The following HMCN2 variants were observed in gnomAD, a reference collection of about 807,000 sequenced individuals.
HMCN2 encodes hemicentin-2.
In HMCN2, 325 loss-of-function variants were observed where a neutral mutation model predicts 377.5. That is an observed-to-expected ratio of 0.86 (90% confidence interval 0.79 to 0.94). HMCN2 has a LOEUF of 0.94. HMCN2 is among the 40% of genes least tolerant of loss of function. The probability of loss-of-function intolerance (pLI) is 0.00; values close to 1 mark genes in which losing one functional copy is unlikely to be tolerated. For synonymous variants in HMCN2, 2,007 were observed against 2,046.8 expected (o/e 0.98, Z 0.53); for missense variants, 4,543 against 4,725.3 (o/e 0.96, Z 1.13).
chr9:130,363,464 C>T (rs1041603542), intron 40 of HMCN2, among the ~76,000 whole-genome samples: 8 of 152,216 alleles, frequency 5.3e-5, no homozygotes, highest in South Asian at 4.2e-4. Flanking sequence ...GCTACTGTAA[C>T]CACAGTAGCT....
At position 130,351,397 on chromosome 9, in the gene HMCN2, C is replaced by G; in HGVS notation, c.4431-26C>G. On this transcript the variant is annotated intron_variant, in intron 29 of 97. Transcript: ENST00000683500. This position sits in a 1 kb window ranked among gnomAD's most constrained non-coding sequence, Gnocchi z 5.4. ...CCATCCAGCCCCTCGGCCTTACTGG[C>G]GCTTTTCCCTTGCCCGTCTCTCCAG... 1.5e-6 allele frequency: 2 copies of G among 1,291,762 alleles called. No homozygotes were observed. Among genetic ancestry groups the G allele is most frequent in the Middle Eastern group, 4.3e-4 (2 of 4,658 alleles). 80.0% of individuals were successfully genotyped at this position (1,291,762 alleles called of 1,614,324 possible).
In HMCN2 at chr9:130,424,754, C is replaced by T. The variant is rs951811436; in HGVS notation, c.13382-22C>T. On this transcript the variant is annotated intron_variant, in intron 87 of 97. Coordinates refer to ENST00000683500, the MANE Select transcript of HMCN2 (RefSeq NM_001291815.2). ...CCCTGAGGATCAGCTCTAACCCGGC[C>T]TCTATGCCCTGCCCCACCCAGGGCC... The T allele has an allele frequency of 2.6e-6, 4 of 1,519,734 alleles. No individual in the cohort carries two copies. The African/African-American group carries it at 5.6e-5, about 21-fold the overall frequency. The allele number at this position is 1,519,734 out of a possible 1,614,324, so 94.1% of individuals were successfully genotyped here.
chr9:130,281,133 C>T (rs1387494042), intron 1 of HMCN2, among the ~76,000 whole-genome samples: 1 of 151,778 alleles, frequency 6.6e-6, no homozygotes, highest in African/African-American at 2.4e-5. Flanking sequence ...AGTTGTGCCC[C>T]TTCCCTTTTT....
chr9:130,265,974 C>A lies in HMCN2; in HGVS notation c.96C>A (p.Pro32=), dbSNP rs1405118236. 1 of 467,838 alleles carries A rather than the reference C, an allele frequency of 2.1e-6. No individual in the cohort carries two copies. Among genetic ancestry groups the A allele is most frequent in the South Asian group, 1.6e-5 (1 of 64,378 alleles). The allele number at this position is 467,838 out of a possible 1,614,324, so 29.0% of individuals were successfully genotyped here. A position where few individuals can be genotyped will look rare whatever the true frequency, so the allele number is the denominator to read the frequency against. ...VAGAPGTVMP[P]TTGDATLAFV... ...GGGCGCCCGGGACGGTAATGCCCCC[C>A]ACCACGGGGGACGCCACCCTGGCCT... Residue 32 remains proline (P), a synonymous_variant, in exon 1 of 98, where the codon CCC becomes CCA. Coordinates refer to ENST00000683500, the MANE Select transcript of HMCN2 (RefSeq NM_001291815.2).
chr9:130,398,646 C>T lies in HMCN2; in HGVS notation c.11422C>T (p.Leu3808=), dbSNP rs1355042118. 7.0e-6 allele frequency: 9 copies of T among 1,289,622 alleles called. No individual in the cohort carries two copies. The highest frequency in any genetic ancestry group is 7.1e-6 in the Non-Finnish European group (7 of 988,664). 79.9% of individuals were successfully genotyped at this position (1,289,622 alleles called of 1,614,324 possible). The part of the protein sequence containing the change: ...PCEASGSPKP[L]VVWWKDGQKL... ...CGAGGCCAGCGGCTCCCCTAAGCCC[C>T]TGGTGGTCTGGTGGAAGGACGGACA... Residue 3808 remains leucine, a synonymous_variant, in exon 75 of 98, where the codon CTG becomes TTG. Coordinates refer to ENST00000683500, the MANE Select transcript of HMCN2 (RefSeq NM_001291815.2).
chr9:130,358,549 T>C (rs1373932850), intron 36 of HMCN2, 63 bp downstream of exon 36: 2 of 1,297,984 alleles, frequency 1.5e-6, no homozygotes, highest in Admixed American at 4.6e-5. Context: ...TGGGGACCCT[T>C]GGGGCTGAAG....
At chr9:130,340,605 C>T (rs1237947203) in intron 23 of HMCN2, among the ~76,000 whole-genome samples, 12 of 151,720 alleles carry the variant, frequency 7.9e-5, no homozygotes, top group Admixed American at 2.0e-4. Flanking sequence ...CTGTAACCTC[C>T]GCCTCCCGGG....
At chr9:130,387,754 C>T (rs944505328) in intron 61 of HMCN2, among the ~76,000 whole-genome samples, 1 of 152,112 alleles carries the variant, frequency 6.6e-6, no homozygotes, top group African/African-American at 2.4e-5. Flanking sequence ...ACATGCAACC[C>T]TGAGCCATAC....
chr9:130,318,605 G>A (rs1355165608), intron 15 of HMCN2, among the ~76,000 whole-genome samples: 1 of 152,214 alleles, frequency 6.6e-6, no homozygotes, highest in Non-Finnish European at 1.5e-5. Flanking sequence ...TTACCTTAGG[G>A]AAGGGCGTGG....
intron 4 of HMCN2, among the ~76,000 whole-genome samples, chr9:130,293,279 G>GTTTTTTTGTTTTTTTTTTTTTTTT (rs1835902682): frequency 1.8e-5 from 1 of 57,126 alleles, no homozygotes; most frequent in African/African-American, 1.1e-4. Context: ...ACTCACTAAA[G>GTTTTTTTGTTTTTTTTTTTTTTTT]TTTTTTTTTT....
intron 96 of HMCN2, among the ~76,000 whole-genome samples, chr9:130,431,902 C>A (rs1844781742): frequency 6.6e-6 from 1 of 152,204 alleles, no homozygotes; most frequent in Non-Finnish European, 1.5e-5. Context: ...TAGTAAGTGC[C>A]TCTAACTCCC....
chr9:130,425,179 G>C (rs539764373), intron 89 of HMCN2, 49 bp downstream of exon 89: 1 of 1,485,402 alleles, frequency 6.7e-7, no homozygotes, highest in Admixed American at 2.3e-5. Flanking sequence ...TGAGAGAGAC[G>C]AAGGTGCCCG....
chr9:130,338,530 A>G (rs1369692185), intron 23 of HMCN2: 1 of 152,330 alleles, frequency 6.6e-6, no homozygotes, highest in African/African-American at 2.4e-5. Context: ...TTGTGCACCT[A>G]TAACAGTGGG....
chr9:130,310,458 G>A (rs72761264), intron 15 of HMCN2, among the ~76,000 whole-genome samples: 17,668 of 147,754 alleles, frequency 0.12, 1,054 homozygotes, highest in Middle Eastern at 0.16. Flanking sequence ...CTGTTGGCAG[G>A]AGGCTCCCAG....
intron 80 of HMCN2, 57 bp from the exon 81 acceptor site, chr9:130,404,812 A>G (rs1843012120): frequency 1.7e-6 from 2 of 1,148,480 alleles, no homozygotes; most frequent in Admixed American, 3.3e-5. Flanking sequence ...GGGCCCCAGG[A>G]TGGTGTCAGC....
At chr9:130,411,110 C>T (rs551203042) in intron 85 of HMCN2, among the ~76,000 whole-genome samples, 48 of 152,070 alleles carry the variant, frequency 3.2e-4, no homozygotes, top group Non-Finnish European at 5.3e-4. Flanking sequence ...TAACCAGCAA[C>T]CAGATCAAAG....
chr9:130,345,717 A>G (rs1839358548), intron 25 of HMCN2, among the ~76,000 whole-genome samples: 1 of 151,812 alleles, frequency 6.6e-6, no homozygotes, highest in Non-Finnish European at 1.5e-5. Flanking sequence ...CATTCTGGGC[A>G]GAGGATTCCA....
chr9:130,332,483 G>A (rs1396975384), intron 22 of HMCN2, among the ~76,000 whole-genome samples: 2 of 152,336 alleles, frequency 1.3e-5, no homozygotes, highest in South Asian at 2.1e-4. Context: ...CGTGTTTGGC[G>A]GCACAGTGAC....
At chr9:130,384,233 T>G (rs2131643797) in intron 57 of HMCN2, 140 bp from the exon 58 acceptor site, 4 of 600,800 alleles carry the variant, frequency 6.7e-6, no homozygotes, top group Non-Finnish European at 9.9e-6. Context: ...TCATGGCAAA[T>G]GGAGGTTTCT....
Sources: gnomAD v4.1 joint callset for allele counts (sites outside exome capture counted in the v4.1 genomes callset) on GRCh38, gnomAD v4.1.1 for gene constraint, Gnocchi (gnomAD v3.1) non-coding constraint, MANE v1.5 for transcripts, NCBI Gene and HGNC (gene_info 2026-07-23, HGNC 2026-07-21) for gene names.